The following RPE65 variants were observed in gnomAD, a reference collection of about 807,000 sequenced individuals.
The protein encoded by RPE65 is retinoid isomerohydrolase RPE65.
RPE65 carries 58 observed loss-of-function variants against 68.5 expected under a neutral mutation model. The observed-to-expected ratio is 0.85, with a 90% CI of 0.69 to 1.05. The LOEUF is 1.05. RPE65 is among the 50% of genes least tolerant of loss of function. The probability of loss-of-function intolerance (pLI) is 0.00; values close to 1 mark genes in which losing one functional copy is unlikely to be tolerated. For synonymous variants in RPE65, 220 were observed against 222.2 expected, an observed-to-expected ratio of 0.99 and a Z score of 0.09; for missense variants, 643 against 629.9, an observed-to-expected ratio of 1.02 and a Z score of -0.22.
intron 10 of RPE65, among the ~76,000 whole-genome samples, chr1:68,434,742 T>G (rs1019008023): frequency 6.6e-6 from 1 of 152,034 alleles, no homozygotes; most frequent in Non-Finnish European, 1.5e-5. Flanking sequence ...TGTTTGTTTG[T>G]TTCTTGAGAT....
intron 11 of RPE65, 34 bp downstream of exon 11, chr1:68,431,437 A>T (rs1173851967): frequency 6.2e-7 from 1 of 1,611,958 alleles, no homozygotes; most frequent in Non-Finnish European, 8.5e-7. Flanking sequence ...ACATTTGTTC[A>T]CTCCCGTGTG....
At chr1:68,441,049 T>C (rs756370637) in intron 5 of RPE65, 49 bp from the exon 6 acceptor site, 40 of 1,607,558 alleles carry the variant, frequency 2.5e-5, no homozygotes, top group Non-Finnish European at 3.4e-5. Context: ...GAAGATACAT[T>C]ATACCTTTGT....
chr1:68,440,953 G>C lies in RPE65; in HGVS notation c.543C>G (p.Pro181=), dbSNP rs746156974. The C allele has an allele frequency of 6.2e-7, 1 of 1,613,930 alleles. No individual in the cohort carries two copies. The highest frequency in any genetic ancestry group is 8.5e-7 in the Non-Finnish European group (1 of 1,179,922). ...YVSVNGATAH[P]HIENDGTVYN... ...AAACGGTTCCATCATTTTCAATGTG[G>C]GGGTGAGCAGTGGCCCCATTGACAG... The change falls in exon 6 of 14, where the codon CCC becomes CCG. Residue 181 remains proline, a synonymous_variant. Coordinates refer to ENST00000262340, the MANE Select transcript of RPE65 (RefSeq NM_000329.3).
chr1:68,439,559 A>T lies in RPE65; in HGVS notation c.725+2T>A, dbSNP rs1355979496. 2 of 1,613,498 alleles carry T rather than the reference A, an allele frequency of 1.2e-6. No homozygotes were observed. Among genetic ancestry groups the T allele is most frequent in the African/African-American group, 1.3e-5 (1 of 74,938 alleles). On this transcript the variant is annotated splice_donor_variant, in intron 7 of 13. Coordinates refer to ENST00000262340, the MANE Select transcript of RPE65 (RefSeq NM_000329.3). LOFTEE classifies it high-confidence loss of function. ...AAGATTCATAGCAGGCCTTCAAGTT[A>T]CCTATGAACGTAAGATGGCTTGAAT...
intron 10 of RPE65, among the ~76,000 whole-genome samples, chr1:68,433,706 C>A (rs1027791669): frequency 2.0e-5 from 3 of 151,976 alleles, no homozygotes; most frequent in African/African-American, 7.3e-5. Flanking sequence ...AAAATGGAAC[C>A]AATTAACATG....
chr1:68,447,289 AG>A (rs1360105362), intron 2 of RPE65, among the ~76,000 whole-genome samples: 2 of 152,356 alleles, frequency 1.3e-5, no homozygotes, highest in South Asian at 2.1e-4. Flanking sequence ...TATTTTAAAA[AG>A]ATGTGTCTAT....
intron 5 of RPE65, among the ~76,000 whole-genome samples, chr1:68,442,269 G>C (rs1645909195): frequency 6.6e-6 from 1 of 152,204 alleles, no homozygotes; most frequent in Admixed American, 6.5e-5. Flanking sequence ...ATGTTTGAAA[G>C]GTGCGTGGAG....
chr1:68,449,221 G>A (rs923747936), intron 1 of RPE65, among the ~76,000 whole-genome samples: 12 of 152,016 alleles, frequency 7.9e-5, no homozygotes, highest in African/African-American at 2.7e-4. Context: ...AGCTTTTTGG[G>A]TCAGGTACCT....
At chr1:68,443,973 A>G (rs934039969) in intron 5 of RPE65, among the ~76,000 whole-genome samples, 2 of 152,204 alleles carry the variant, frequency 1.3e-5, no homozygotes, top group African/African-American at 4.8e-5. Flanking sequence ...AATTAGTGCA[A>G]CATACTTGCC....
chr1:68,431,711 A>G (rs1571159044), intron 10 of RPE65, 126 bp from the exon 11 acceptor site: 1 of 789,030 alleles, frequency 1.3e-6, no homozygotes, highest in East Asian at 2.7e-5. Flanking sequence ...AACTGCAGGA[A>G]GCTATAGATG....
Position 68,446,848 on chromosome 1 carries a change from AG to A in RPE65, c.106del (p.Leu36SerfsTer58), listed in dbSNP as rs1431358022. 6.2e-7 allele frequency: 1 copy of A among 1,613,556 alleles called. No homozygotes were observed. The highest frequency in any genetic ancestry group is 8.5e-7 in the Non-Finnish European group (1 of 1,180,032). On this transcript the variant is annotated frameshift_variant, in exon 3 of 14. Coordinates refer to ENST00000262340, the MANE Select transcript of RPE65 (RefSeq NM_000329.3). LOFTEE classifies it high-confidence loss of function. ...LTAHVTGRIP[L>X]WLTGSLLRCG... Reference sequence around the variant, plus strand: ...TCGAAGGAGACTGCCGGTGAGCCAGAGGGGGATCCTGCCTGTGATGAAGGGG... The same window carrying A: ...TCGAAGGAGACTGCCGGTGAGCCAGAGGGGATCCTGCCTGTGATGAAGGGG...
rs534661454 is a variant in RPE65, at chr1:68,435,824, T to C, written c.1128+2363A>G. Among the ~76,000 whole-genome samples, 11 of 152,332 alleles carry C rather than the reference T, an allele frequency of 7.2e-5. No homozygotes were observed. The South Asian group carries it at 1.9e-3, about 26-fold the overall frequency. On this transcript the variant is annotated intron_variant, in intron 10 of 13. Coordinates refer to ENST00000262340, the MANE Select transcript of RPE65 (RefSeq NM_000329.3). ...TGAGAGTACTACTCCTGTGCTGACATGCATGGCTATTCCTGATTCGGCTTC... is the reference window on the plus strand; with the variant it reads ...TGAGAGTACTACTCCTGTGCTGACACGCATGGCTATTCCTGATTCGGCTTC...
intron 10 of RPE65, among the ~76,000 whole-genome samples, chr1:68,435,355 C>T (rs1645853682): frequency 6.6e-6 from 1 of 151,816 alleles, no homozygotes; most frequent in Admixed American, 6.6e-5. Context: ...TTTTGGAAAA[C>T]CTAATCTAAA....
chr1:68,429,927 C>A lies in RPE65; in HGVS notation c.1451G>T (p.Gly484Val), dbSNP rs62653015. 3.1e-6 allele frequency: 5 copies of A among 1,613,522 alleles called. No homozygotes were observed. Among genetic ancestry groups the A allele is most frequent in the Non-Finnish European group, 2.5e-6 (3 of 1,179,710 alleles). ...SHPDALEEDD[G>V]VVLSVVVSPG... ...GCTCACCACCACACTCAGAACTACACCTGTTTATCAGAAGTAAATTAGGCA... is the reference window on the plus strand; with the variant it reads ...GCTCACCACCACACTCAGAACTACAACTGTTTATCAGAAGTAAATTAGGCA... The change falls in exon 14 of 14, where the codon GGT (glycine) becomes GTT (valine). Residue 484 changes from glycine to valine, a missense_variant and splice_region_variant. Transcript: ENST00000262340.
chr1:68,440,298 T>A (rs17130691), intron 6 of RPE65, among the ~76,000 whole-genome samples: 11,958 of 152,204 alleles, frequency 0.079, 682 homozygotes, highest in East Asian at 0.24. Flanking sequence ...TTCAAATAAT[T>A]CCATCATCAA....
intron 9 of RPE65, 21 bp downstream of exon 9, chr1:68,438,921 T>G (rs768172512): frequency 6.2e-7 from 1 of 1,614,022 alleles, no homozygotes; most frequent in Admixed American, 1.7e-5. Flanking sequence ...GGTGTCCCAT[T>G]TGTCCAGTGT....
Position 68,431,144 on chromosome 1 carries a change from A to G in RPE65, c.1371T>C (p.Thr457=), listed in dbSNP as rs372273815. 1.1e-5 allele frequency: 17 copies of G among 1,613,676 alleles called. No individual in the cohort carries two copies. The highest frequency in any genetic ancestry group is 2.7e-5 in the African/African-American group (2 of 74,890). ...LCKLNVKTKE[T]WVWQEPDSYP... ...ATGAATCAGGCTCTTGCCAAACCCA[A>G]GTTTCTTTAGTTTTGACATTCAGCT... Residue 457 remains threonine (T), a synonymous_variant, in exon 13 of 14, where the codon ACT becomes ACC. Transcript: ENST00000262340.
intron 5 of RPE65, among the ~76,000 whole-genome samples, chr1:68,441,409 G>T (rs80108164): frequency 0.012 from 1,837 of 151,732 alleles, 13 homozygotes; most frequent in Non-Finnish European, 0.019. Context: ...ATTTCGTATG[G>T]TACTATGTAA....
At chr1:68,434,764 C>T (rs1256983615) in intron 10 of RPE65, among the ~76,000 whole-genome samples, 1 of 151,494 alleles carries the variant, frequency 6.6e-6, no homozygotes, top group Non-Finnish European at 1.5e-5. Context: ...GAGTCTTGTT[C>T]TGTTTTGTTT....
Sources: allele counts gnomAD v4.1 joint callset (sites outside exome capture counted in the v4.1 genomes callset), GRCh38; gene constraint gnomAD v4.1.1; transcripts MANE v1.5; gene names NCBI Gene and HGNC (gene_info 2026-07-23, HGNC 2026-07-21).